Variants in MTG1 observed in about 807,000 individuals in gnomAD.
The protein encoded by MTG1 is mitochondrial ribosome-associated GTPase 1.
In MTG1, 30 loss-of-function variants were observed where a neutral mutation model predicts 39.5. The ratio of observed to expected loss-of-function variants is 0.76; its 90% CI spans 0.57 to 1.03. The LOEUF is 1.03. MTG1 is among the 50% of genes least tolerant of loss of function. MTG1 has a pLI of 0.00. For missense variants in MTG1, 513 were observed against 447.4 expected (o/e 1.15, Z -1.32); for synonymous variants, 217 against 179.0 (o/e 1.21, Z -1.69).
Position 133,419,547 on chromosome 10 carries a change from G to A in MTG1, c.820G>A (p.Val274Met), listed in dbSNP as rs145394497. 2.5e-6 allele frequency: 4 copies of A among 1,610,650 alleles called. No individual in the cohort carries two copies. The highest frequency in any genetic ancestry group is 2.2e-5 in the South Asian group (2 of 90,308). ...AGAGCGCGTGCTGAAGAGTGTGGCT[G>A]TGAAGCTGGGGAAGACGCAGAAGGT... ...NVERVLKSVAVKLGKTQKVKV... is the reference protein window; with the variant it reads ...NVERVLKSVAMKLGKTQKVKV... Residue 274 changes from valine (V) to methionine (M), a missense_variant, in exon 10 of 11, where the codon GTG becomes ATG. Physicochemically the swap from Val to Met is conservative, Grantham distance 21. Coordinates refer to ENST00000317502, the MANE Select transcript of MTG1 (RefSeq NM_138384.4).
chr10:133,415,320 T>C (rs997903785), intron 9 of MTG1, among the ~76,000 whole-genome samples: 10 of 152,302 alleles, frequency 6.6e-5, no homozygotes, highest in African/African-American at 2.2e-4. Context: ...GTCTGAAGGA[T>C]TTCCTTTAAC....
chr10:133,404,819 C>T (rs568380679), intron 9 of MTG1, among the ~76,000 whole-genome samples: 161 of 152,242 alleles, frequency 1.1e-3, no homozygotes, highest in African/African-American at 3.7e-3. Flanking sequence ...ACTGAATTGT[C>T]TTTGCATCTT....
At chr10:133,405,750 G>C (rs938774287) in intron 9 of MTG1, among the ~76,000 whole-genome samples, 1 of 152,178 alleles carries the variant, frequency 6.6e-6, no homozygotes, top group Non-Finnish European at 1.5e-5. Flanking sequence ...TGGACACTTA[G>C]GTAGATTGCA....
chr10:133,397,889 G>C (rs1190359922), intron 3 of MTG1, among the ~76,000 whole-genome samples: 1 of 151,932 alleles, frequency 6.6e-6, no homozygotes, highest in African/African-American at 2.4e-5. Context: ...AGACTGGTGG[G>C]TGGCCGTCTA....
intron 9 of MTG1, among the ~76,000 whole-genome samples, chr10:133,403,749 T>C (rs1024586858): frequency 6.6e-6 from 1 of 152,136 alleles, no homozygotes; most frequent in Non-Finnish European, 1.5e-5. Context: ...TACCGACAGG[T>C]CTTTGTGTAG....
chr10:133,399,591 C>A lies in MTG1; in HGVS notation c.483C>A (p.Asn161Lys), dbSNP rs1564818965. 6.2e-7 allele frequency: 1 copy of A among 1,614,226 alleles called. No homozygotes were observed. Among genetic ancestry groups the A allele is most frequent in the Non-Finnish European group, 8.5e-7 (1 of 1,180,026 alleles). The change falls in exon 6 of 11, where the codon AAC becomes AAA. Residue 161 changes from asparagine to lysine, a missense_variant. Asn to Lys is a moderately conservative substitution (Grantham distance 94). Transcript: ENST00000317502. Reference protein sequence around the residue: ...VPNVGKSSLINSLRRQHLRKG... With the variant: ...VPNVGKSSLIKSLRRQHLRKG... ...ACGTGGGCAAGTCCTCCCTCATCAA[C>A]TCCCTCCGGAGGCAGCACCTCAGGA...
chr10:133,404,232 T>G (rs1181579334), intron 9 of MTG1, among the ~76,000 whole-genome samples: 2 of 147,618 alleles, frequency 1.4e-5, no homozygotes, highest in African/African-American at 2.5e-5. Flanking sequence ...GCTCAAGCGA[T>G]CCTCCCACTT....
chr10:133,418,157 C>T (rs1160985842), intron 9 of MTG1, among the ~76,000 whole-genome samples: 1 of 152,226 alleles, frequency 6.6e-6, no homozygotes, highest in African/African-American at 2.4e-5. Context: ...GCATGTGCCA[C>T]CACACCTGGC....
At chr10:133,398,324 A>C in intron 3 of MTG1, 111 bp from the exon 4 acceptor site, 1 of 991,480 alleles carries the variant, frequency 1.0e-6, no homozygotes, top group Non-Finnish European at 1.5e-6. Context: ...CGCTTGAACC[A>C]GGGAGGCGGA....
Position 133,399,598 on chromosome 10 carries a change from C to T in MTG1, c.490C>T (p.Arg164Trp), listed in dbSNP as rs149522894. Reference protein sequence around the residue: ...VGKSSLINSLRRQHLRKGKAT... With the variant: ...VGKSSLINSLWRQHLRKGKAT... ...CAAGTCCTCCCTCATCAACTCCCTC[C>T]GGAGGCAGCACCTCAGGAAAGGTAC... The change falls in exon 6 of 11, where the codon CGG becomes TGG. Residue 164 changes from arginine to tryptophan, a missense_variant. Coordinates refer to ENST00000317502, the MANE Select transcript of MTG1 (RefSeq NM_138384.4). 23 of 1,614,196 alleles carry T rather than the reference C, an allele frequency of 1.4e-5. No homozygotes were observed. The highest frequency in any genetic ancestry group is 1.6e-4 in the Middle Eastern group (1 of 6,062).
At chr10:133,407,181 G>C (rs190273886) in intron 9 of MTG1, among the ~76,000 whole-genome samples, 1 of 152,146 alleles carries the variant, frequency 6.6e-6, no homozygotes, top group Admixed American at 6.5e-5. Flanking sequence ...TGCCAGTAGC[G>C]TGCTGTTTTT....
At chr10:133,398,805 G>C (rs765419971) in intron 4 of MTG1, among the ~76,000 whole-genome samples, 2 of 152,118 alleles carry the variant, frequency 1.3e-5, no homozygotes, top group Non-Finnish European at 2.9e-5. Flanking sequence ...GGCTTGATGT[G>C]TTTCTTCATT....
intron 6 of MTG1, among the ~76,000 whole-genome samples, chr10:133,401,189 C>T (rs550226283): frequency 1.1e-4 from 17 of 152,266 alleles, no homozygotes; most frequent in South Asian, 2.1e-4. Flanking sequence ...GTCTGACCTC[C>T]GCAGTCTGAC....
At chr10:133,401,941 CT>C in intron 7 of MTG1, 1 of 619,690 alleles carries the variant, frequency 1.6e-6, no homozygotes, top group South Asian at 2.0e-5. Context: ...CTGTTGGGAC[CT>C]GACGCTTTTA....
At chr10:133,409,000 CT>C (rs1470288700) in intron 9 of MTG1, among the ~76,000 whole-genome samples, 1 of 150,188 alleles carries the variant, frequency 6.7e-6, no homozygotes, top group Non-Finnish European at 1.5e-5. Context: ...TTTCATTGAT[CT>C]TTGGTATTTT....
intron 9 of MTG1, among the ~76,000 whole-genome samples, chr10:133,404,156 G>C: frequency 9.4e-6 from 1 of 106,476 alleles, no homozygotes; most frequent in African/African-American, 3.5e-5. Context: ...TTTTGAGACA[G>C]GGTCTCAGTT....
chr10:133,409,239 C>G (rs1483316251), intron 9 of MTG1, among the ~76,000 whole-genome samples: 1 of 151,812 alleles, frequency 6.6e-6, no homozygotes, highest in Non-Finnish European at 1.5e-5. Flanking sequence ...TATGGTGTTT[C>G]CATTTCCGTT....
At chr10:133,419,661 G>GCCTCCTCCA in intron 10 of MTG1, 69 bp downstream of exon 10, 1 of 1,288,754 alleles carries the variant, frequency 7.8e-7, no homozygotes, top group Non-Finnish European at 1.1e-6. Flanking sequence ...GGCCATCCCT[G>GCCTCCTCCA]GAGGAGGCAG....
intron 6 of MTG1, 148 bp downstream of exon 6, chr10:133,399,767 C>T (rs1488173761): frequency 1.9e-5 from 13 of 697,436 alleles, no homozygotes; most frequent in Non-Finnish European, 2.7e-5. Context: ...CATCTTGTCT[C>T]GTTCAGTCCA....
Sources: allele counts gnomAD v4.1 joint callset (sites outside exome capture counted in the v4.1 genomes callset), GRCh38; gene constraint gnomAD v4.1.1; transcripts MANE v1.5; gene names NCBI Gene and HGNC (gene_info 2026-07-23, HGNC 2026-07-21).